The following TPM4 variants were observed in gnomAD, a reference collection of about 807,000 sequenced individuals.
TPM4 encodes tropomyosin alpha-4 chain.
In TPM4, 17 loss-of-function variants were observed where a neutral mutation model predicts 35.8. The observed-to-expected ratio is 0.47, with a 90% confidence interval of 0.32 to 0.71. The LOEUF is 0.71. TPM4 is among the 30% of genes least tolerant of loss of function. The probability of loss-of-function intolerance (pLI) is 0.03; values close to 1 mark genes in which losing one functional copy is unlikely to be tolerated. For synonymous variants in TPM4, 120 were observed against 122.9 expected (o/e 0.98, Z 0.15); for missense variants, 240 against 320.9 (o/e 0.75, Z 1.93).
intron 5 of TPM4, among the ~76,000 whole-genome samples, chr19:16,089,670 T>A (rs2090602142): frequency 1.7e-5 from 1 of 59,906 alleles, no homozygotes; most frequent in African/African-American, 9.2e-5. Context: ...ACCCCCCACT[T>A]TTTTTTTTTT....
rs1443134655 is a variant in TPM4 at position 16,088,012 on chromosome 19, T to C, written c.385-15T>C. 5.6e-6 allele frequency: 9 copies of C among 1,606,590 alleles called. No homozygotes were observed. Among genetic ancestry groups the C allele is most frequent in the South Asian group, 2.2e-5 (2 of 89,414 alleles). ...GGTGGGGATCGGGCTCAGCTGGGCC[T>C]TTCTGTCTCTGCAGGTAGCTCGTAA... is the stretch of plus-strand genomic sequence containing the variant. On this transcript the variant is annotated splice_polypyrimidine_tract_variant and intron_variant, in intron 3 of 7. Coordinates refer to ENST00000643579, the MANE Select transcript of TPM4 (RefSeq NM_003290.3).
At chr19:16,085,096 A>G (rs1051276426) in intron 2 of TPM4, among the ~76,000 whole-genome samples, 42 of 152,130 alleles carry the variant, frequency 2.8e-4, no homozygotes, top group Middle Eastern at 3.4e-3. Context: ...ACAAAAAAAT[A>G]TTAAAAATTA....
chr19:16,086,350 A>C, intron 2 of TPM4, 73 bp from the exon 3 acceptor site: 3 of 1,363,078 alleles, frequency 2.2e-6, no homozygotes, highest in Non-Finnish European at 3.1e-6. Flanking sequence ...ACTCCATCTG[A>C]AAGAAAAGAT....
rs145748334 is a variant in TPM4 at position 16,087,392 on chromosome 19, C to T, written c.385-635C>T. ...AGGAGTTCATGACCAGCCTGGCCAA[C>T]GTGGTGAAACCCTGTCTCTACAAAA... On this transcript the variant is annotated intron_variant, in intron 3 of 7. Transcript: ENST00000643579. Among the ~76,000 whole-genome samples, 654 of 151,844 alleles carry T rather than the reference C, an allele frequency of 4.3e-3. 2 individuals carry two copies. The highest frequency in any genetic ancestry group is 0.027 in the Middle Eastern group (8 of 292).
chr19:16,088,943 G>A, intron 4 of TPM4, 102 bp from the exon 5 acceptor site: 1 of 1,572,976 alleles, frequency 6.4e-7, no homozygotes, highest in South Asian at 1.2e-5. Context: ...CACCGGGGGA[G>A]CTGTGTAGGT....
Position 16,070,313 on chromosome 19 carries a change from C to G in TPM4, c.114+2575C>G, listed in dbSNP as rs2090344361. Among the ~76,000 whole-genome samples the G allele has an allele frequency of 6.6e-6, 1 of 152,114 alleles. No homozygotes were observed. The highest frequency in any genetic ancestry group is 1.5e-5 in the Non-Finnish European group (1 of 68,014). ...TGGCCATGGTTTGGGGCAGAGCAGA[C>G]AGGAGCAGTGGGTGGGAGGAAGGAA... On this transcript the variant is annotated intron_variant, in intron 2 of 2. Transcript: ENST00000589897. This position sits in a 1 kb window ranked among gnomAD's most constrained non-coding sequence, Gnocchi z 7.4.
intron 1 of TPM4, chr19:16,079,650 ATT>A: frequency 4.8e-6 from 1 of 210,282 alleles, no homozygotes; most frequent in East Asian, 7.1e-5. Flanking sequence ...GCCTCATTCT[ATT>A]TTTTTTTCCC....
intron 1 of TPM4, chr19:16,079,999 G>A (rs113166155): frequency 0.021 from 3,821 of 181,914 alleles, 150 homozygotes; most frequent in African/African-American, 0.08. Context: ...ACCGCGCCCG[G>A]CCTTCCTAAT....
chr19:16,101,103 G>A (rs1463549613), intron 7 of TPM4, 161 bp from the exon 8 acceptor site: 2 of 481,378 alleles, frequency 4.2e-6, no homozygotes, highest in Non-Finnish European at 7.5e-6. Context: ...CCTGGCAGGT[G>A]AAGGTTGCAG....
At chr19:16,080,818 A>AG (rs1403071290) in intron 1 of TPM4, 3 of 379,758 alleles carry the variant, frequency 7.9e-6, no homozygotes, top group Non-Finnish European at 1.4e-5. Flanking sequence ...CAAAAAAAAA[A>AG]TTAAAAAGAA....
At chr19:16,069,269 G>A (rs931108438) in intron 2 of TPM4, among the ~76,000 whole-genome samples, 10 of 152,022 alleles carry the variant, frequency 6.6e-5, no homozygotes, top group African/African-American at 2.4e-4. Flanking sequence ...TTATGTGTAT[G>A]AGTGTGTTTC....
In TPM4 at chr19:16,067,547, C is replaced by A; in HGVS notation, c.-78C>A. 1 of 1,366,040 alleles carries A rather than the reference C, an allele frequency of 7.3e-7. No individual in the cohort carries two copies. The highest frequency in any genetic ancestry group is 1.0e-6 in the Non-Finnish European group (1 of 985,880). 84.6% of individuals were successfully genotyped at this position (1,366,040 alleles called of 1,614,324 possible). A position where few individuals can be genotyped will look rare whatever the true frequency, so the allele number is the denominator to read the frequency against. On this transcript the variant is annotated 5_prime_UTR_variant, in exon 2 of 3. Coordinates refer to the TPM4 transcript ENST00000589897. This position sits in a 1 kb window ranked among gnomAD's most constrained non-coding sequence, Gnocchi z 4.1. ...CCACCCTGCCAGGCTCACTCTGCCC[C>A]ACAGCCACAGCCCCTGACTGCCGCA...
At chr19:16,073,938 T>TAAAAAA (rs71178637), upstream of TPM4, among the ~76,000 whole-genome samples, 161 of 35,616 alleles carry the variant, frequency 4.5e-3, 3 homozygotes, top group African/African-American at 8.9e-3. Flanking sequence ...GAAGACCATG[T>TAAAAAA]AAAAAAAAAA....
In TPM4 at chr19:16,067,753, G is replaced by T. The variant is rs1047103597; in HGVS notation, c.114+15G>T. 6.2e-7 allele frequency: 1 copy of T among 1,608,070 alleles called. No individual in the cohort carries two copies. The highest frequency in any genetic ancestry group is 8.5e-7 in the Non-Finnish European group (1 of 1,178,160). On this transcript the variant is annotated intron_variant, in intron 2 of 2. Coordinates refer to the TPM4 transcript ENST00000589897. This position sits in a 1 kb window ranked among gnomAD's most constrained non-coding sequence, Gnocchi z 4.1. ...AGTGCAAGCAGGTGAGGTGCCCTCC[G>T]CTGGGCCGCTCCGGGCTGCTGGGAG...
chr19:16,078,099 A>G (rs543074645), intron 1 of TPM4: 20 of 398,148 alleles, frequency 5.0e-5, no homozygotes, highest in African/African-American at 4.1e-4. Context: ...TGCCCTGGGA[A>G]GAGCTCATAG....
chr19:16,098,570 C>A (rs962702692), intron 7 of TPM4, among the ~76,000 whole-genome samples: 2 of 152,182 alleles, frequency 1.3e-5, no homozygotes, highest in African/African-American at 2.4e-5. Context: ...GTCATTTTAT[C>A]TCAGACCTAA....
chr19:16,093,240 G>T, intron 5 of TPM4: 1 of 336,932 alleles, frequency 3.0e-6, no homozygotes, highest in Non-Finnish European at 5.6e-6. Context: ...CTGTCACCCA[G>T]GCTGGAGTGC....
At chr19:16,075,939 C>T, upstream of TPM4, 4 of 1,442,098 alleles carry the variant, frequency 2.8e-6, no homozygotes, top group East Asian at 1.0e-4. Flanking sequence ...AAACTGATGC[C>T]CAGAGAGAGA....
intron 7 of TPM4, chr19:16,100,882 G>T (rs920425771): frequency 3.8e-5 from 6 of 156,688 alleles, no homozygotes; most frequent in South Asian, 3.6e-4. Context: ...GAAATCTTTG[G>T]GGGGGTGCTG....
Sources: allele counts gnomAD v4.1 joint callset (sites outside exome capture counted in the v4.1 genomes callset), GRCh38; gene constraint gnomAD v4.1.1; non-coding constraint Gnocchi (gnomAD v3.1); transcripts MANE v1.5; gene names NCBI Gene and HGNC (gene_info 2026-07-23, HGNC 2026-07-21).